Variants in GEMIN7 observed in about 807,000 individuals in gnomAD.
GEMIN7 encodes gem nuclear organelle associated protein 7.
In GEMIN7, 7 loss-of-function variants were observed where a neutral mutation model predicts 7.8. The ratio of observed to expected loss-of-function variants is 0.90; its 90% CI spans 0.51 to 1.69. The LOEUF (loss-of-function observed/expected upper bound fraction) is 1.69, where lower values mean the gene tolerates loss of function less well. Ranked by LOEUF, GEMIN7 falls within the 40% of genes most tolerant of loss-of-function variation. GEMIN7 has a pLI of 0.00. For missense variants in GEMIN7, 159 were observed against 176.2 expected (o/e 0.90, Z 0.55); for synonymous variants, 68 against 72.4 (o/e 0.94, Z 0.31).
chr19:45,090,092 T>C lies in GEMIN7; in HGVS notation c.-8-15T>C, dbSNP rs141225657. ...ACCATGTAATGACTTCCTGCTCTTT[T>C]TCTTCACTCAACAGCCAAGACAATG... is the stretch of plus-strand genomic sequence containing the variant. On this transcript the variant is annotated splice_polypyrimidine_tract_variant and intron_variant, in intron 2 of 2. Coordinates refer to ENST00000270257, the MANE Select transcript of GEMIN7 (RefSeq NM_024707.3). 124 of 1,589,874 alleles carry C rather than the reference T, an allele frequency of 7.8e-5. No individual in the cohort carries two copies. The African/African-American group carries it at 1.6e-3, about 21-fold the overall frequency.
At chr19:45,077,937 C>T (rs903562045), upstream of GEMIN7, among the ~76,000 whole-genome samples, 1 of 151,686 alleles carries the variant, frequency 6.6e-6, no homozygotes, top group Admixed American at 6.6e-5. Flanking sequence ...GCTTTGTTGC[C>T]CTGGTTGGTC....
At chr19:45,090,049 TC>T in intron 2 of GEMIN7, 57 bp from the exon 3 acceptor site, 1 of 1,523,366 alleles carries the variant, frequency 6.6e-7, no homozygotes. Context: ...TCCTCCCTCC[TC>T]CATTAGCCCC....
At chr19:45,081,767 C>T (rs550995223) in intron 2 of GEMIN7, among the ~76,000 whole-genome samples, 1 of 152,204 alleles carries the variant, frequency 6.6e-6, no homozygotes, top group African/African-American at 2.4e-5. Flanking sequence ...GCTGGGATTA[C>T]AGGCACGCAC....
upstream of GEMIN7, chr19:45,076,227 C>A (rs375195199): frequency 2.9e-5 from 44 of 1,508,482 alleles, no homozygotes; most frequent in African/African-American, 6.2e-4. This position sits in a 1 kb window ranked among gnomAD's most constrained non-coding sequence, Gnocchi z 4.9. Flanking sequence ...GGGAGAAGGG[C>A]CCCAGCCTTG....
Position 45,090,759 on chromosome 19 carries a change from G to T in GEMIN7, c.*249G>T. The T allele has an allele frequency of 2.1e-6, 1 of 473,152 alleles. No homozygotes were observed. The highest frequency in any genetic ancestry group is 3.9e-6 in the Non-Finnish European group (1 of 255,022). 29.3% of individuals were successfully genotyped at this position (473,152 alleles called of 1,614,324 possible). A position where few individuals can be genotyped will look rare whatever the true frequency, so the allele number is the denominator to read the frequency against. ...AGAACTCTGAACCCTACAGAAATAT[G>T]GGCCTGCTGCCATTTCCTGAAGACC... On this transcript the variant is annotated 3_prime_UTR_variant, in exon 3 of 3. Coordinates refer to ENST00000270257, the MANE Select transcript of GEMIN7 (RefSeq NM_024707.3).
upstream of GEMIN7, chr19:45,076,504 A>C: frequency 1.5e-6 from 1 of 647,920 alleles, no homozygotes; most frequent in Non-Finnish European, 2.2e-6. This position sits in a 1 kb window ranked among gnomAD's most constrained non-coding sequence, Gnocchi z 4.9. Flanking sequence ...GAACTCTTAC[A>C]CGTGCTGGCC....
At chr19:45,075,900 C>A (rs776095172), upstream of GEMIN7, 54 of 1,610,634 alleles carry the variant, frequency 3.4e-5, no homozygotes, top group Non-Finnish European at 3.3e-5. Context: ...TGGGGTGGGG[C>A]CAGGATGGGG....
intron 2 of GEMIN7, among the ~76,000 whole-genome samples, chr19:45,089,510 G>C (rs1967819728): frequency 6.6e-6 from 1 of 151,978 alleles, no homozygotes; most frequent in Admixed American, 6.6e-5. Flanking sequence ...TGATGGATTG[G>C]GTGGGTTGTG....
rs1967889405 is a variant in GEMIN7, at chr19:45,091,455, TC to T, written c.*947del. 2 of 167,136 alleles carry T rather than the reference TC, an allele frequency of 1.2e-5. No individual in the cohort carries two copies. Among genetic ancestry groups the T allele is most frequent in the African/African-American group, 4.8e-5 (2 of 41,480 alleles). 10.4% of individuals were successfully genotyped at this position (167,136 alleles called of 1,614,324 possible). A position where few individuals can be genotyped will look rare whatever the true frequency, so the allele number is the denominator to read the frequency against. On this transcript the variant is annotated 3_prime_UTR_variant, in exon 3 of 3. Transcript: ENST00000270257. Reference sequence around the variant, plus strand: ...AGCAGTTTCTGTCCCTTTCTGTAGTTCCTTTAAGTTCAGGATGTAAGCGAAG... The same window carrying T: ...AGCAGTTTCTGTCCCTTTCTGTAGTTCTTTAAGTTCAGGATGTAAGCGAAG...
At chr19:45,086,936 T>C (rs1437894600) in intron 2 of GEMIN7, among the ~76,000 whole-genome samples, 3 of 152,160 alleles carry the variant, frequency 2.0e-5, no homozygotes, top group Non-Finnish European at 4.4e-5. Flanking sequence ...AACCCCTGCC[T>C]CCCTGGTGCA....
intron 2 of GEMIN7, chr19:45,085,752 GC>G (rs1178835953): frequency 3.3e-5 from 5 of 152,084 alleles, no homozygotes; most frequent in African/African-American, 1.2e-4. Flanking sequence ...TTCGAGACCA[GC>G]CTGACCAACA....
intron 2 of GEMIN7, among the ~76,000 whole-genome samples, chr19:45,080,643 T>C (rs959785144): frequency 3.9e-5 from 6 of 152,088 alleles, no homozygotes; most frequent in Admixed American, 3.3e-4. Flanking sequence ...TCTCCCAAAG[T>C]GCTGGGATTA....
chr19:45,076,689 G>A (rs73939607), upstream of GEMIN7: 14,553 of 257,684 alleles, frequency 0.056, 1,382 homozygotes, highest in African/African-American at 0.24. The surrounding 1 kb of genome is among the most constrained non-coding windows in gnomAD (Gnocchi z 4.9). Flanking sequence ...CCCTGATCCC[G>A]TTTTAGGGCG....
At chr19:45,079,643 C>T (rs1213792937) in intron 1 of GEMIN7, among the ~76,000 whole-genome samples, 1 of 152,236 alleles carries the variant, frequency 6.6e-6, no homozygotes, top group African/African-American at 2.4e-5. Flanking sequence ...AGTCCGAACG[C>T]CCAGGGCGGT....
chr19:45,083,841 C>T (rs1274597940), intron 2 of GEMIN7, among the ~76,000 whole-genome samples: 1 of 151,900 alleles, frequency 6.6e-6, no homozygotes, highest in Non-Finnish European at 1.5e-5. Context: ...TCAAGTGATC[C>T]ACCTGCCTCA....
chr19:45,082,878 C>T (rs997934979), intron 2 of GEMIN7, among the ~76,000 whole-genome samples: 1 of 150,842 alleles, frequency 6.6e-6, no homozygotes, highest in Non-Finnish European at 1.5e-5. Context: ...GCCTCAGTCT[C>T]CCAAGGTGCT....
Position 45,082,368 on chromosome 19 carries a change from G to A in GEMIN7, c.-9+2339G>A, listed in dbSNP as rs117672034. Among the ~76,000 whole-genome samples, 65 of 152,226 alleles carry A rather than the reference G, an allele frequency of 4.3e-4. 1 individual carries two copies. In the East Asian group the frequency reaches 0.012, roughly 28 times the overall value. On this transcript the variant is annotated intron_variant, in intron 2 of 2. Transcript: ENST00000270257. Reference sequence around the variant, plus strand: ...AATCTTATCATAGGGATCTTTCCTGGGCTCCCTTGAAACTACCCTCTATCC... The same window carrying A: ...AATCTTATCATAGGGATCTTTCCTGAGCTCCCTTGAAACTACCCTCTATCC...
intron 2 of GEMIN7, among the ~76,000 whole-genome samples, chr19:45,081,228 A>AG (rs1465822562): frequency 1.3e-5 from 2 of 152,290 alleles, no homozygotes; most frequent in East Asian, 3.9e-4. Context: ...GCACTTTGGG[A>AG]GGCTGAAGCA....
At chr19:45,078,486 G>A (rs953145183), upstream of GEMIN7, among the ~76,000 whole-genome samples, 2 of 152,122 alleles carry the variant, frequency 1.3e-5, no homozygotes, top group African/African-American at 4.8e-5. Flanking sequence ...ACCCCCACTA[G>A]AACGTAGGTT....
Sources: gnomAD v4.1 joint callset for allele counts (sites outside exome capture counted in the v4.1 genomes callset) on GRCh38, gnomAD v4.1.1 for gene constraint, Gnocchi (gnomAD v3.1) non-coding constraint, MANE v1.5 for transcripts, NCBI Gene and HGNC (gene_info 2026-07-23, HGNC 2026-07-21) for gene names.